PODXL2: variants seen among roughly 807,000 people sequenced by gnomAD.
PODXL2 encodes the protein podocalyxin-like protein 2.
PODXL2 carries 17 observed loss-of-function variants against 53.4 expected under a neutral mutation model. The observed-to-expected ratio is 0.32, with a 90% CI of 0.22 to 0.48. The LOEUF (loss-of-function observed/expected upper bound fraction) is 0.48. Among genes scored for constraint, PODXL2 ranks in the 20% least tolerant of loss-of-function variants. The probability of loss-of-function intolerance (pLI) is 0.99; values close to 1 mark genes in which losing one functional copy is unlikely to be tolerated. For synonymous variants in PODXL2, 311 were observed against 306.7 expected (o/e 1.01, Z -0.15); for missense variants, 673 against 760.0 (o/e 0.89, Z 1.35).
chr3:127,648,609 A>G (rs2074669815), intron 2 of PODXL2, among the ~76,000 whole-genome samples: 2 of 151,220 alleles, frequency 1.3e-5, no homozygotes, highest in South Asian at 2.1e-4. Flanking sequence ...GTTTTGGACT[A>G]TCTCTTTCTG....
intron 1 of PODXL2, among the ~76,000 whole-genome samples, chr3:127,635,813 G>GT (rs1259708658): frequency 2.0e-5 from 3 of 152,244 alleles, no homozygotes; most frequent in African/African-American, 4.8e-5. Context: ...TGATTCTGTA[G>GT]TTTGGCAATT....
At chr3:127,657,136 A>ACAGCGTGACTGATGATGCAT (rs1319095817) in intron 2 of PODXL2, among the ~76,000 whole-genome samples, 4 of 152,212 alleles carry the variant, frequency 2.6e-5, no homozygotes, top group Non-Finnish European at 5.9e-5. Context: ...CATGCTGCCG[A>ACAGCGTGACTGATGATGCAT]CAGCGTGACT....
chr3:127,671,893 T>G (rs2074845847), intron 7 of PODXL2, among the ~76,000 whole-genome samples: 1 of 152,158 alleles, frequency 6.6e-6, no homozygotes, highest in South Asian at 2.1e-4. Context: ...CCTGAGCACC[T>G]GAATACCTCA....
chr3:127,638,202 G>A (rs2074590371), intron 1 of PODXL2, among the ~76,000 whole-genome samples: 9 of 152,192 alleles, frequency 5.9e-5, no homozygotes, highest in Admixed American at 5.9e-4. Context: ...TTAAGTTAGA[G>A]GTTAAGTTGT....
In PODXL2 at chr3:127,660,738, G is replaced by A; in HGVS notation, c.710G>A (p.Ser237Asn). Residue 237 changes from serine (S) to asparagine (N), a missense_variant, in exon 3 of 8, where the codon AGC becomes AAC. Physicochemically the swap from Ser to Asn is conservative, Grantham distance 46. Around this residue, in one of 3 missense-constraint regions of PODXL2, gnomAD observed 588 missense variants for 668.3 expected, o/e 0.88. Transcript: ENST00000342480. The stretch of plus-strand genomic sequence containing the variant: ...GCCTCATCAGGTGTGGAGGTGGAGA[G>A]CAGCATGGGGCCCAGCTTGCTGCTG... ...DQASSGVEVESSMGPSLLLPS... is the reference protein window; with the variant it reads ...DQASSGVEVENSMGPSLLLPS... 1 of 1,614,160 alleles carries A rather than the reference G, an allele frequency of 6.2e-7. No individual in the cohort carries two copies. Among genetic ancestry groups the A allele is most frequent in the Non-Finnish European group, 8.5e-7 (1 of 1,180,016 alleles).
chr3:127,662,233 A>G lies in PODXL2; in HGVS notation c.1132-4A>G, dbSNP rs776054842. The G allele has an allele frequency of 5.6e-6, 9 of 1,613,162 alleles. No homozygotes were observed. Among genetic ancestry groups the G allele is most frequent in the Middle Eastern group, 1.6e-4 (1 of 6,084 alleles). On this transcript the variant is annotated splice_region_variant and splice_polypyrimidine_tract_variant and intron_variant, in intron 3 of 7. Coordinates refer to ENST00000342480, the MANE Select transcript of PODXL2 (RefSeq NM_015720.4). ...GTCGCCCTTCTTTCTGTCTCCTCGC[A>G]CAGGTGATCTGCAAGGACTGGAGCA...
chr3:127,659,972 C>T (rs2074753461), intron 2 of PODXL2, among the ~76,000 whole-genome samples: 2 of 152,234 alleles, frequency 1.3e-5, no homozygotes, highest in African/African-American at 2.4e-5. Context: ...CTTATAACGA[C>T]TCACTAGAAA....
chr3:127,648,485 T>C (rs1268361816), intron 2 of PODXL2, among the ~76,000 whole-genome samples: 1 of 152,234 alleles, frequency 6.6e-6, no homozygotes, highest in Admixed American at 6.5e-5. Context: ...AAAAGCCTTG[T>C]CATTCTTGTT....
chr3:127,632,068 A>T (rs1250741384), intron 1 of PODXL2, among the ~76,000 whole-genome samples: 1 of 152,176 alleles, frequency 6.6e-6, no homozygotes, highest in Non-Finnish European at 1.5e-5. Flanking sequence ...GAGCCATGGA[A>T]ATGACAGGGA....
chr3:127,672,293 T>C lies in PODXL2; in HGVS notation c.1631T>C (p.Val544Ala), dbSNP rs1251919213. ...TCGCACGGCGAGGAGCTGCGCTTCG[T>C]GGAGAACGGCTGCCACGACAACCCC... ...HVSHGEELRFVENGCHDNPTL... is the reference protein window; with the variant it reads ...HVSHGEELRFAENGCHDNPTL... Residue 544 changes from valine (V) to alanine (A), a missense_variant, in exon 8 of 8, where the codon GTG becomes GCG. Physicochemically the swap from Val to Ala is moderately conservative, Grantham distance 64. Transcript: ENST00000342480. 1.3e-6 allele frequency: 2 copies of C among 1,546,722 alleles called. No homozygotes were observed. The highest frequency in any genetic ancestry group is 1.7e-6 in the Non-Finnish European group (2 of 1,147,330).
chr3:127,655,045 C>T (rs996009132), intron 2 of PODXL2, among the ~76,000 whole-genome samples: 5 of 152,116 alleles, frequency 3.3e-5, no homozygotes, highest in African/African-American at 7.2e-5. Context: ...CGTGTTCAAG[C>T]GACTCTCATG....
At chr3:127,635,206 T>C (rs2074570351) in intron 1 of PODXL2, among the ~76,000 whole-genome samples, 2 of 152,232 alleles carry the variant, frequency 1.3e-5, no homozygotes, top group South Asian at 4.1e-4. Context: ...TACAGTGCCA[T>C]GAGCAGTTCT....
chr3:127,669,577 G>C (rs1366204160), intron 6 of PODXL2, among the ~76,000 whole-genome samples: 4 of 152,178 alleles, frequency 2.6e-5, no homozygotes, highest in African/African-American at 9.7e-5. Flanking sequence ...CCTGGTGGGA[G>C]GGGCGAGCAT....
At chr3:127,648,243 A>T (rs1052052281) in intron 2 of PODXL2, among the ~76,000 whole-genome samples, 1 of 152,208 alleles carries the variant, frequency 6.6e-6, no homozygotes, top group African/African-American at 2.4e-5. Context: ...TTTAATTATC[A>T]TTGCCGTAAT....
chr3:127,665,284 G>A (rs528592822), intron 4 of PODXL2, among the ~76,000 whole-genome samples: 4 of 152,274 alleles, frequency 2.6e-5, no homozygotes, highest in African/African-American at 9.6e-5. Flanking sequence ...AAAATGAAAG[G>A]AATAAATGTG....
At chr3:127,642,568 A>G (rs553321586) in intron 2 of PODXL2, among the ~76,000 whole-genome samples, 3 of 151,336 alleles carry the variant, frequency 2.0e-5, no homozygotes, top group South Asian at 4.2e-4. Context: ...GTGGCCAGAT[A>G]TGGGAGGAGA....
intron 7 of PODXL2, 93 bp from the exon 8 acceptor site, chr3:127,672,175 A>G (rs813633): frequency 0.77 from 729,477 of 948,562 alleles, 282,611 homozygotes; most frequent in African/African-American, 0.95. Context: ...GTGCCGCGGG[A>G]ACCCCCTGGG....
chr3:127,660,073 T>C (rs868310657), intron 2 of PODXL2, among the ~76,000 whole-genome samples: 1 of 152,222 alleles, frequency 6.6e-6, no homozygotes, highest in African/African-American at 2.4e-5. Context: ...ACAAACACAG[T>C]GGAGAATATA....
chr3:127,655,783 C>G (rs1297693260), intron 2 of PODXL2, among the ~76,000 whole-genome samples: 1 of 152,192 alleles, frequency 6.6e-6, no homozygotes, highest in South Asian at 2.1e-4. Flanking sequence ...TGGAAAAAAG[C>G]GAGGAGCTCT....
Sources: allele counts gnomAD v4.1 joint callset (sites outside exome capture counted in the v4.1 genomes callset), GRCh38; gene constraint gnomAD v4.1.1; regional missense constraint gnomAD v4.1.1; transcripts MANE v1.5; gene names NCBI Gene and HGNC (gene_info 2026-07-23, HGNC 2026-07-21).